RSPH14: variants seen among roughly 807,000 people sequenced by gnomAD.
RSPH14 encodes radial spoke head 14 homolog, also known as rhabdoid tumor deletion region gene 1.
RSPH14 carries 20 observed loss-of-function variants against 26.7 expected under a neutral mutation model. The observed-to-expected ratio is 0.75, with a 90% CI of 0.53 to 1.09. RSPH14 has a LOEUF of 1.09. Ranked by LOEUF, RSPH14 falls within the 50% of genes least tolerant of loss-of-function variation. The pLI, the probability that RSPH14 is intolerant of heterozygous loss-of-function variation, is 0.00. For missense variants in RSPH14, 449 were observed against 457.2 expected (o/e 0.98, Z 0.16); for synonymous variants, 177 against 189.3 (o/e 0.93, Z 0.53).
chr22:23,172,097 A>G, the RSPH14 span, among the ~76,000 whole-genome samples: 1 of 152,232 alleles, frequency 6.6e-6, no homozygotes, highest in Non-Finnish European at 1.5e-5. Flanking sequence ...GGAATCATAC[A>G]ATATGTGGCT....
chr22:23,173,533 C>G, the RSPH14 span, among the ~76,000 whole-genome samples: 3 of 152,008 alleles, frequency 2.0e-5, no homozygotes, highest in South Asian at 6.2e-4. Flanking sequence ...TTCAACCTCC[C>G]TGGCTCAAGC....
the RSPH14 span, chr22:23,162,231 C>T: frequency 5.7e-5 from 12 of 211,276 alleles, no homozygotes; most frequent in Admixed American, 1.1e-4. Flanking sequence ...TCTCTGGCAC[C>T]TCTGAGATCC....
At chr22:23,100,312 T>A (rs2069260381) in intron 4 of RSPH14, among the ~76,000 whole-genome samples, 1 of 152,234 alleles carries the variant, frequency 6.6e-6, no homozygotes, top group South Asian at 2.1e-4. Context: ...GTGTCCCCAT[T>A]GTGCTTTCAT....
At chr22:23,110,149 C>T (rs769069923) in intron 4 of RSPH14, among the ~76,000 whole-genome samples, 9 of 152,150 alleles carry the variant, frequency 5.9e-5, no homozygotes, top group Non-Finnish European at 8.8e-5. Flanking sequence ...AGGGGTGGTT[C>T]GGGCTGTCTG....
chr22:23,168,043 A>G, the RSPH14 span, among the ~76,000 whole-genome samples: 1 of 151,820 alleles, frequency 6.6e-6, no homozygotes, highest in Non-Finnish European at 1.5e-5. Flanking sequence ...TTTCACAGAG[A>G]TAGGGTCTGT....
At chr22:23,123,478 G>A in intron 4 of RSPH14, 1 of 1,308,400 alleles carries the variant, frequency 7.6e-7, no homozygotes, top group Middle Eastern at 2.0e-4. Context: ...CCCACGGGGT[G>A]TCATGCCCCA....
the RSPH14 span, among the ~76,000 whole-genome samples, chr22:23,169,920 A>G: frequency 6.6e-6 from 1 of 152,012 alleles, no homozygotes; most frequent in East Asian, 1.9e-4. Context: ...GCAACATGGC[A>G]AAACTGTCTC....
intron 4 of RSPH14, among the ~76,000 whole-genome samples, chr22:23,128,277 C>T (rs1339705982): frequency 6.6e-6 from 1 of 152,222 alleles, no homozygotes; most frequent in East Asian, 1.9e-4. Flanking sequence ...CATTCCTGGA[C>T]TTAGCAGGAA....
chr22:23,140,113 G>A, intron 2 of RSPH14, 109 bp downstream of exon 2: 1 of 1,397,926 alleles, frequency 7.2e-7, no homozygotes, highest in Non-Finnish European at 9.8e-7. Context: ...AGTGGAACTG[G>A]CCTGGAGTCA....
intron 4 of RSPH14, among the ~76,000 whole-genome samples, chr22:23,101,991 C>T (rs2069315218): frequency 6.6e-6 from 1 of 152,232 alleles, no homozygotes; most frequent in Non-Finnish European, 1.5e-5. Flanking sequence ...TTATCCTACC[C>T]GAGCACTGGA....
chr22:23,141,595 GGTT>G (rs2070602767), intron 1 of RSPH14, among the ~76,000 whole-genome samples: 1 of 152,190 alleles, frequency 6.6e-6, no homozygotes, highest in South Asian at 2.1e-4. Flanking sequence ...TGTTGGCTGT[GGTT>G]ATTATTACGG....
At chr22:23,168,339 C>T in the RSPH14 span, among the ~76,000 whole-genome samples, 7 of 152,126 alleles carry the variant, frequency 4.6e-5, no homozygotes, top group South Asian at 1.4e-3. Flanking sequence ...GAGGGGACTG[C>T]AGAGAGACAC....
the RSPH14 span, chr22:23,153,517 G>C: frequency 3.1e-6 from 3 of 967,484 alleles, no homozygotes; most frequent in African/African-American, 1.8e-5. Context: ...CTGAGCCTCT[G>C]TTCCCACCTG....
chr22:23,157,550 C>T, the RSPH14 span, among the ~76,000 whole-genome samples: 6 of 152,296 alleles, frequency 3.9e-5, no homozygotes, highest in African/African-American at 9.6e-5. Context: ...TGAGCCACAG[C>T]GCCTGGCGAC....
At chr22:23,068,786 C>A (rs1028363446) in intron 4 of RSPH14, among the ~76,000 whole-genome samples, 1 of 152,232 alleles carries the variant, frequency 6.6e-6, no homozygotes, top group African/African-American at 2.4e-5. Flanking sequence ...GTTACATTCC[C>A]TTTTGACAGA....
chr22:23,126,003 C>T (rs2070174300), intron 4 of RSPH14, among the ~76,000 whole-genome samples: 1 of 152,250 alleles, frequency 6.6e-6, no homozygotes, highest in South Asian at 2.1e-4. Flanking sequence ...CTCCTAAGCC[C>T]ACGCAGGGAC....
chr22:23,063,384 G>A (rs973400322), intron 5 of RSPH14, among the ~76,000 whole-genome samples: 2 of 152,184 alleles, frequency 1.3e-5, no homozygotes, highest in African/African-American at 4.8e-5. Flanking sequence ...CCCAGTGTGA[G>A]AACACACACC....
chr22:23,175,601 G>GT, the RSPH14 span, among the ~76,000 whole-genome samples: 5 of 152,240 alleles, frequency 3.3e-5, no homozygotes, highest in African/African-American at 1.2e-4. Context: ...GATTACAGGC[G>GT]TGAGCCATAG....
At chr22:23,069,168 C>T (rs142353980) in intron 4 of RSPH14, among the ~76,000 whole-genome samples, 183 of 152,330 alleles carry the variant, frequency 1.2e-3, no homozygotes, top group Non-Finnish European at 2.2e-3. Context: ...CAGGCACATG[C>T]CCCTGCCCCT....
Sources: allele counts gnomAD v4.1 joint callset (sites outside exome capture counted in the v4.1 genomes callset), GRCh38; gene constraint gnomAD v4.1.1; transcripts MANE v1.5; gene names NCBI Gene and HGNC (gene_info 2026-07-23, HGNC 2026-07-21).